The following ADAMTS19 variants were observed in gnomAD, a reference collection of about 807,000 sequenced individuals.
The protein encoded by ADAMTS19 is ADAM metallopeptidase with thrombospondin type 1 motif 19, also known as A disintegrin and metalloproteinase with thrombospondin motifs 19.
ADAMTS19 carries 93 observed loss-of-function variants against 153.3 expected under a neutral mutation model. That is an observed-to-expected ratio of 0.61 (90% confidence interval 0.51 to 0.72). ADAMTS19 has a LOEUF of 0.72. Among genes scored for constraint, ADAMTS19 ranks in the 30% least tolerant of loss-of-function variants. ADAMTS19 has a pLI of 0.00. For missense variants in ADAMTS19, 1,482 were observed against 1,552.1 expected (o/e 0.95, Z 0.76); for synonymous variants, 600 against 556.6 (o/e 1.08, Z -1.10).
In ADAMTS19 at chr5:129,688,163, A is replaced by G. The variant is rs1031627850; in HGVS notation, c.2818+3890A>G. ...TTTCTGACTTCATATCATCGATTTT[A>G]TAGCCAGAAAGAGCTTTCTAATCTT... On this transcript the variant is annotated intron_variant, in intron 18 of 22. Transcript: ENST00000274487. 9 of 152,308 alleles carry G rather than the reference A, an allele frequency of 5.9e-5. 1 individual carries two copies. The highest frequency in any genetic ancestry group is 5.2e-4 in the Admixed American group (8 of 15,292). The allele number at this position is 152,308 out of a possible 1,614,324, so 9.4% of individuals were successfully genotyped here. A position where few individuals can be genotyped will look rare whatever the true frequency, so the allele number is the denominator to read the frequency against.
chr5:129,604,965 G>T (rs1170123138), intron 8 of ADAMTS19, among the ~76,000 whole-genome samples: 4 of 152,054 alleles, frequency 2.6e-5, no homozygotes, highest in Non-Finnish European at 4.4e-5. Flanking sequence ...AATTATCTTT[G>T]AGTGTTCTCT....
In ADAMTS19 at chr5:129,667,333, T is replaced by C. The variant is rs145607800; in HGVS notation, c.2506+1754T>C. Among the ~76,000 whole-genome samples, 383 of 152,306 alleles carry C rather than the reference T, an allele frequency of 2.5e-3. 1 individual carries two copies. The highest frequency in any genetic ancestry group is 7.5e-3 in the African/African-American group (313 of 41,560). ...CAGGGAATTACATCTAGCTCTATTG[T>C]TTTGCATGTTTATTTGATGTAAATT... On this transcript the variant is annotated intron_variant, in intron 16 of 22. Coordinates refer to ENST00000274487, the MANE Select transcript of ADAMTS19 (RefSeq NM_133638.6).
rs1460123846 is a variant in ADAMTS19 at position 129,704,349 on chromosome 5, T to G, written c.3270T>G (p.Asp1090Glu). Residue 1090 changes from aspartate (D) to glutamate (E), a missense_variant, in exon 21 of 23, where the codon GAT becomes GAG. This residue lies in a region of ADAMTS19 where 616 missense variants were observed against 724.4 expected (regional missense o/e 0.85). Transcript: ENST00000274487. ...CCAGGGAGGCTGAAGACTGTGAGGA[T>G]TATTCAAAATGCTATGTGTGGCGAA... Reference protein sequence around the residue: ...TRPREAEDCEDYSKCYVWRMG... With the variant: ...TRPREAEDCEEYSKCYVWRMG... 1 of 1,613,970 alleles carries G rather than the reference T, an allele frequency of 6.2e-7. No homozygotes were observed. Among genetic ancestry groups the G allele is most frequent in the Admixed American group, 1.7e-5 (1 of 59,996 alleles).
At chr5:129,469,928 G>A (rs1389380048) in intron 2 of ADAMTS19, among the ~76,000 whole-genome samples, 1 of 152,178 alleles carries the variant, frequency 6.6e-6, no homozygotes, top group Non-Finnish European at 1.5e-5. Flanking sequence ...TCTGGATTAT[G>A]AGAGGGGCAA....
At chr5:129,726,255 A>G (rs969626700) in intron 21 of ADAMTS19, among the ~76,000 whole-genome samples, 3 of 152,078 alleles carry the variant, frequency 2.0e-5, no homozygotes, top group Non-Finnish European at 4.4e-5. Flanking sequence ...GCAATATTAA[A>G]CTGTTTGGGG....
chr5:129,713,446 C>T (rs1358381371), intron 21 of ADAMTS19, among the ~76,000 whole-genome samples: 1 of 152,144 alleles, frequency 6.6e-6, no homozygotes, highest in Admixed American at 6.5e-5. Flanking sequence ...AAAGATATCA[C>T]ATGAGGTCTT....
intron 3 of ADAMTS19, among the ~76,000 whole-genome samples, chr5:129,522,644 G>A (rs1751864445): frequency 6.6e-6 from 1 of 151,756 alleles, no homozygotes; most frequent in Admixed American, 6.6e-5. Context: ...GTAACTTATG[G>A]GGATAGTCTA....
At chr5:129,725,787 T>C (rs1479367977) in intron 21 of ADAMTS19, among the ~76,000 whole-genome samples, 2 of 152,028 alleles carry the variant, frequency 1.3e-5, no homozygotes, top group African/African-American at 4.8e-5. Flanking sequence ...AAATTTGTGT[T>C]TCAGGTTTAC....
At chr5:129,527,633 T>TAAA (rs373626538) in intron 4 of ADAMTS19, 115 bp from the exon 5 acceptor site, 10,575 of 164,888 alleles carry the variant, frequency 0.064, 818 homozygotes, top group African/African-American at 0.21. Context: ...TTTTTTTTTT[T>TAAA]AAAAAAAAAA....
chr5:129,692,219 A>G (rs1261547116), intron 18 of ADAMTS19, among the ~76,000 whole-genome samples: 2 of 152,154 alleles, frequency 1.3e-5, no homozygotes, highest in African/African-American at 4.8e-5. Context: ...TTTGATATAT[A>G]TACTTCAGGT....
intron 6 of ADAMTS19, among the ~76,000 whole-genome samples, chr5:129,540,137 A>T (rs535800252): frequency 6.6e-6 from 1 of 152,194 alleles, no homozygotes; most frequent in Non-Finnish European, 1.5e-5. Context: ...GGCAGAGTAA[A>T]CTCAGAACCA....
At chr5:129,633,429 A>G (rs551005306) in intron 10 of ADAMTS19, among the ~76,000 whole-genome samples, 116 of 152,296 alleles carry the variant, frequency 7.6e-4, no homozygotes, top group African/African-American at 2.7e-3. Context: ...TTTTACTTCT[A>G]TACTAGAAAT....
intron 3 of ADAMTS19, among the ~76,000 whole-genome samples, chr5:129,514,904 A>G (rs555785331): frequency 9.6e-4 from 146 of 152,060 alleles, no homozygotes; most frequent in African/African-American, 3.3e-3. Flanking sequence ...TTTTCTTGTA[A>G]TAGTTTCATA....
chr5:129,467,388 A>G (rs2126643698), intron 2 of ADAMTS19, among the ~76,000 whole-genome samples: 1 of 152,346 alleles, frequency 6.6e-6, no homozygotes, highest in South Asian at 2.1e-4. Context: ...ATAGAGGTTA[A>G]GAGACCCCTT....
At position 129,578,091 on chromosome 5, in the gene ADAMTS19, T is replaced by C. The variant is rs62399006; in HGVS notation, c.1373-18468T>C. On this transcript the variant is annotated intron_variant, in intron 7 of 22. Transcript: ENST00000274487. ...ACACACACACACACATATATACATA[T>C]ACATACATATACATATGCATGTATA... 1.3e-3 allele frequency among the ~76,000 whole-genome samples: 53 copies of C among 40,820 alleles called. 1 individual carries two copies. Among genetic ancestry groups the C allele is most frequent in the South Asian group, 6.4e-3 (6 of 934 alleles). The allele number at this position is 40,820 out of a possible 152,430, so 26.8% of individuals were successfully genotyped here.
intron 15 of ADAMTS19, among the ~76,000 whole-genome samples, chr5:129,663,216 G>A (rs528095037): frequency 5.6e-4 from 85 of 152,036 alleles, no homozygotes; most frequent in African/African-American, 1.8e-3. Context: ...CTTTTTTCCC[G>A]ATTTATTTTT....
intron 8 of ADAMTS19, among the ~76,000 whole-genome samples, chr5:129,597,599 A>T (rs1750440289): frequency 6.6e-6 from 1 of 152,098 alleles, no homozygotes. Context: ...TCATATTTTT[A>T]GGAAGTTTAT....
chr5:129,466,172 C>T (rs1041277417), intron 2 of ADAMTS19, among the ~76,000 whole-genome samples: 1 of 152,212 alleles, frequency 6.6e-6, no homozygotes, highest in Admixed American at 6.5e-5. Flanking sequence ...ATAGTCTCTA[C>T]TCTCAAAAGA....
intron 11 of ADAMTS19, among the ~76,000 whole-genome samples, chr5:129,643,373 A>G (rs1237370728): frequency 6.7e-6 from 1 of 148,608 alleles, no homozygotes; most frequent in Non-Finnish European, 1.5e-5. Flanking sequence ...AAGACAAAAA[A>G]AAAAAAAAAA....
Sources: gnomAD v4.1 joint callset for allele counts (sites outside exome capture counted in the v4.1 genomes callset) on GRCh38, gnomAD v4.1.1 for gene constraint, gnomAD v4.1.1 regional missense constraint, MANE v1.5 for transcripts, NCBI Gene and HGNC (gene_info 2026-07-23, HGNC 2026-07-21) for gene names.